The following KCNIP4 variants were observed in gnomAD, a reference collection of about 807,000 sequenced individuals.
KCNIP4 encodes potassium voltage-gated channel interacting protein 4, also known as Kv channel-interacting protein 4.
Under a neutral mutation model 34.0 loss-of-function variants are expected in KCNIP4, and 12 were observed. The observed-to-expected ratio is 0.35, with a 90% CI of 0.23 to 0.57. KCNIP4 has a LOEUF of 0.57. Ranked by LOEUF, KCNIP4 falls within the 20% of genes least tolerant of loss-of-function variation. The pLI is 0.83. For synonymous variants in KCNIP4, 124 were observed against 102.2 expected, an observed-to-expected ratio of 1.21 and a Z score of -1.29; for missense variants, 238 against 311.7, an observed-to-expected ratio of 0.76 and a Z score of 1.78.
At chr4:21,274,058 T>C (rs1189475881) in intron 1 of KCNIP4, among the ~76,000 whole-genome samples, 1 of 152,214 alleles carries the variant, frequency 6.6e-6, no homozygotes. Flanking sequence ...GCAGGTCTCA[T>C]ATGACCTTGG....
At chr4:21,110,128 T>A (rs1245400609) in intron 1 of KCNIP4, among the ~76,000 whole-genome samples, 1 of 152,148 alleles carries the variant, frequency 6.6e-6, no homozygotes, top group African/African-American at 2.4e-5. Flanking sequence ...AGAAATTAGA[T>A]CTCCAGCAGT....
At chr4:21,765,395 T>C (rs1236108709) in intron 1 of KCNIP4, among the ~76,000 whole-genome samples, 3 of 152,012 alleles carry the variant, frequency 2.0e-5, no homozygotes, top group Non-Finnish European at 4.4e-5. Context: ...AATGACTGTG[T>C]GTGTGAGCGT....
chr4:21,384,903 AT>A (rs1721876573), intron 1 of KCNIP4, among the ~76,000 whole-genome samples: 1 of 152,214 alleles, frequency 6.6e-6, no homozygotes, highest in African/African-American at 2.4e-5. Flanking sequence ...TTAACTCTAT[AT>A]ATTTACAACA....
At chr4:20,962,660 A>G (rs1294882533) in intron 1 of KCNIP4, among the ~76,000 whole-genome samples, 1 of 152,184 alleles carries the variant, frequency 6.6e-6, no homozygotes, top group African/African-American at 2.4e-5. Flanking sequence ...ATTTTTACTT[A>G]TTTTATCATT....
chr4:20,779,087 C>T (rs1756623114), intron 3 of KCNIP4, among the ~76,000 whole-genome samples: 1 of 152,132 alleles, frequency 6.6e-6, no homozygotes. Flanking sequence ...GGAAATGGAA[C>T]ATTCTTTTCT....
intron 1 of KCNIP4, among the ~76,000 whole-genome samples, chr4:21,026,324 A>G (rs886914219): frequency 8.5e-5 from 13 of 152,062 alleles, no homozygotes; most frequent in African/African-American, 2.7e-4. Context: ...AGCTCTTGTT[A>G]TTGTTAGTAT....
chr4:20,779,962 G>T (rs1756725981), intron 3 of KCNIP4, among the ~76,000 whole-genome samples: 2 of 152,194 alleles, frequency 1.3e-5, no homozygotes, highest in Admixed American at 6.5e-5. Context: ...CAGTAAGAGA[G>T]TAAATTTTTG....
At chr4:21,934,838 C>A (rs1353979978) in intron 1 of KCNIP4, among the ~76,000 whole-genome samples, 1 of 152,102 alleles carries the variant, frequency 6.6e-6, no homozygotes, top group African/African-American at 2.4e-5. Context: ...TGCTTAACCC[C>A]TTTGAGCCTC....
chr4:21,087,753 A>G (rs1166763624), intron 1 of KCNIP4, among the ~76,000 whole-genome samples: 1 of 152,116 alleles, frequency 6.6e-6, no homozygotes, highest in Admixed American at 6.5e-5. Context: ...TATCATACAT[A>G]TCTGTCAGCA....
chr4:21,554,255 G>C (rs1357563070), intron 1 of KCNIP4, among the ~76,000 whole-genome samples: 1 of 152,082 alleles, frequency 6.6e-6, no homozygotes, highest in Non-Finnish European at 1.5e-5. Context: ...AGCCAGGAAA[G>C]TCAAGAAAAA....
Position 21,468,225 on chromosome 4 carries a change from G to T in KCNIP4, c.61+480346C>A, listed in dbSNP as rs1041251143. Among the ~76,000 whole-genome samples, 3 of 152,026 alleles carry T rather than the reference G, an allele frequency of 2.0e-5. No homozygotes were observed. The South Asian group carries it at 6.2e-4, about 32-fold the overall frequency. ...GAGAATGATCACATAGTTACTAAAA[G>T]AATTAAAATGTACAAGGAAAGACAA... On this transcript the variant is annotated intron_variant, in intron 1 of 8. Coordinates refer to ENST00000382152, the MANE Select transcript of KCNIP4 (RefSeq NM_025221.6).
intron 1 of KCNIP4, among the ~76,000 whole-genome samples, chr4:21,287,647 A>G (rs1027268108): frequency 6.6e-6 from 1 of 152,170 alleles, no homozygotes; most frequent in Non-Finnish European, 1.5e-5. Context: ...AGAACCTGAT[A>G]CCAAGTGTTT....
chr4:21,618,630 C>CTTTTTCTTTTTTTTTTTTT (rs1280886806), intron 1 of KCNIP4, among the ~76,000 whole-genome samples: 1 of 81,788 alleles, frequency 1.2e-5, no homozygotes, highest in African/African-American at 4.9e-5. Flanking sequence ...TTTTCTTTTT[C>CTTTTTCTTTTTTTTTTTTT]TTTTTTTTTT....
At chr4:21,733,477 G>GTGGAGCATATAA (rs1451019473) in intron 1 of KCNIP4, among the ~76,000 whole-genome samples, 7 of 152,168 alleles carry the variant, frequency 4.6e-5, no homozygotes, top group African/African-American at 1.7e-4. Flanking sequence ...TTAGTGCTCT[G>GTGGAGCATATAA]TGGAGCATAT....
chr4:21,938,784 AC>A (rs1730034350), intron 1 of KCNIP4, among the ~76,000 whole-genome samples: 1 of 152,172 alleles, frequency 6.6e-6, no homozygotes, highest in Admixed American at 6.6e-5. Flanking sequence ...TGTAATTAAT[AC>A]ACAATTTGGG....
intron 1 of KCNIP4, among the ~76,000 whole-genome samples, chr4:21,900,158 T>C (rs916901404): frequency 6.6e-6 from 1 of 152,188 alleles, no homozygotes; most frequent in Non-Finnish European, 1.5e-5. Flanking sequence ...ATATTTCAAA[T>C]GTGAAAACAT....
At chr4:20,820,810 C>A (rs1211325533) in intron 3 of KCNIP4, among the ~76,000 whole-genome samples, 1 of 152,194 alleles carries the variant, frequency 6.6e-6, no homozygotes, top group Non-Finnish European at 1.5e-5. Context: ...CTGCTCCACC[C>A]ATTCCAGTGC....
Position 21,822,997 on chromosome 4 carries a change from G to A in KCNIP4, c.61+125574C>T, listed in dbSNP as rs115560659. On this transcript the variant is annotated intron_variant, in intron 1 of 8. Transcript: ENST00000382152. ...CTCCCAAAGTCCTGGGATTACAGGC[G>A]TGAGCTGACCAAATAATTTTTACAT... Among the ~76,000 whole-genome samples, 630 of 152,136 alleles carry A rather than the reference G, an allele frequency of 4.1e-3. 4 individuals are homozygous for A. Among genetic ancestry groups the A allele is most frequent in the African/African-American group, 0.014 (589 of 41,544 alleles).
intron 1 of KCNIP4, among the ~76,000 whole-genome samples, chr4:21,344,824 G>A (rs1264070430): frequency 6.6e-6 from 1 of 152,140 alleles, no homozygotes; most frequent in African/African-American, 2.4e-5. Context: ...TGTAGGATCT[G>A]GGACTGCCCA....
Sources: allele counts gnomAD v4.1 joint callset (sites outside exome capture counted in the v4.1 genomes callset), GRCh38; gene constraint gnomAD v4.1.1; transcripts MANE v1.5; gene names NCBI Gene and HGNC (gene_info 2026-07-23, HGNC 2026-07-21).